The following TRERF1 variants were observed in gnomAD, a reference collection of about 807,000 sequenced individuals.
The protein encoded by TRERF1 is transcriptional regulating factor 1.
In TRERF1, 27 loss-of-function variants were observed where a neutral mutation model predicts 122.9. That is an observed-to-expected ratio of 0.22 (90% confidence interval 0.16 to 0.30). The LOEUF (loss-of-function observed/expected upper bound fraction) is 0.30. Among genes scored for constraint, TRERF1 ranks in the 10% least tolerant of loss-of-function variants. The pLI, the probability that TRERF1 is intolerant of heterozygous loss-of-function variation, is 1.00. For missense variants in TRERF1, 1,248 were observed against 1,560.3 expected, an observed-to-expected ratio of 0.80 and a Z score of 3.37; for synonymous variants, 636 against 641.7, an observed-to-expected ratio of 0.99 and a Z score of 0.13.
At chr6:42,387,961 C>A (rs1296804256) in intron 2 of TRERF1, among the ~76,000 whole-genome samples, 2 of 152,148 alleles carry the variant, frequency 1.3e-5, no homozygotes, top group African/African-American at 4.8e-5. Flanking sequence ...GTACATGCCA[C>A]CACGCTTGGC....
At chr6:42,315,650 A>G (rs1762346044) in intron 3 of TRERF1, among the ~76,000 whole-genome samples, 1 of 151,848 alleles carries the variant, frequency 6.6e-6, no homozygotes, top group East Asian at 1.9e-4. Context: ...CTAGCAGCTG[A>G]TATCCTTCAA....
chr6:42,306,241 A>T (rs1210677810), intron 3 of TRERF1, among the ~76,000 whole-genome samples: 1 of 151,936 alleles, frequency 6.6e-6, no homozygotes, highest in Admixed American at 6.6e-5. Flanking sequence ...ACCTCAAGTG[A>T]TCCACTTGCC....
At chr6:42,403,159 C>T (rs1779659920) in intron 2 of TRERF1, among the ~76,000 whole-genome samples, 1 of 151,802 alleles carries the variant, frequency 6.6e-6, no homozygotes, top group Non-Finnish European at 1.5e-5. Context: ...TGGACATCTT[C>T]CCCAAAAAAG....
chr6:42,345,950 T>C (rs1364109585), intron 3 of TRERF1, among the ~76,000 whole-genome samples: 1 of 152,228 alleles, frequency 6.6e-6, no homozygotes, highest in African/African-American at 2.4e-5. Flanking sequence ...GGGCCCAGCA[T>C]GGGCAGGTGC....
intron 3 of TRERF1, among the ~76,000 whole-genome samples, chr6:42,347,782 T>C (rs441669): frequency 0.062 from 9,376 of 152,230 alleles, 793 homozygotes; most frequent in African/African-American, 0.19. Context: ...CCACCAGGTA[T>C]GGTGAAGAGC....
chr6:42,449,249 G>A (rs938854712), intron 2 of TRERF1, among the ~76,000 whole-genome samples: 2 of 152,244 alleles, frequency 1.3e-5, no homozygotes, highest in African/African-American at 2.4e-5. Context: ...TACAGCAGAA[G>A]GGAAATGCTC....
At chr6:42,418,788 T>C (rs183777735) in intron 2 of TRERF1, among the ~76,000 whole-genome samples, 6 of 152,240 alleles carry the variant, frequency 3.9e-5, no homozygotes, top group Non-Finnish European at 8.8e-5. Flanking sequence ...GGGGGTTCAG[T>C]AACAGGCAGG....
chr6:42,406,617 T>G (rs980484366), intron 2 of TRERF1, among the ~76,000 whole-genome samples: 1 of 152,192 alleles, frequency 6.6e-6, no homozygotes, highest in Non-Finnish European at 1.5e-5. Context: ...TTCTGGAACC[T>G]TCCTCAACAA....
At chr6:42,376,422 G>A (rs565884372) in intron 2 of TRERF1, among the ~76,000 whole-genome samples, 18 of 152,054 alleles carry the variant, frequency 1.2e-4, no homozygotes, top group Admixed American at 2.6e-4. Flanking sequence ...AGAGACAGGA[G>A]TAAGAGGGAG....
At chr6:42,240,351 A>T (rs1248764842) in intron 15 of TRERF1, among the ~76,000 whole-genome samples, 3 of 152,180 alleles carry the variant, frequency 2.0e-5, no homozygotes, top group Admixed American at 1.3e-4. Flanking sequence ...AGAAGACCAT[A>T]TTCTCTGATT....
intron 16 of TRERF1, among the ~76,000 whole-genome samples, chr6:42,235,515 G>C (rs1437152902): frequency 6.6e-6 from 1 of 152,186 alleles, no homozygotes; most frequent in Non-Finnish European, 1.5e-5. Flanking sequence ...TGACCACATG[G>C]TGAACTTGTT....
intron 2 of TRERF1, among the ~76,000 whole-genome samples, chr6:42,403,916 T>C (rs147556435): frequency 6.6e-6 from 1 of 151,924 alleles, no homozygotes; most frequent in African/African-American, 2.4e-5. Context: ...ACTGACAGAC[T>C]TGAAATTCCA....
Position 42,268,843 on chromosome 6 carries a change from G to T in TRERF1, c.748C>A (p.Pro250Thr). ...GACAGCATCTGTGGGGCCTGCAGTG[G>T]CTGTCCTCCCTGCACTGGCACCTGA... The change falls in exon 5 of 18, where the codon CCA (proline) becomes ACA (threonine). Residue 250 changes from proline to threonine, a missense_variant. Pro to Thr is a conservative substitution (Grantham distance 38). Coordinates refer to ENST00000372922, the Ensembl canonical transcript of TRERF1. This position sits in a 1 kb window ranked among gnomAD's most constrained non-coding sequence, Gnocchi z 4.4. The T allele has an allele frequency of 6.2e-7, 1 of 1,614,136 alleles. No homozygotes were observed. Among genetic ancestry groups the T allele is most frequent in the South Asian group, 1.1e-5 (1 of 91,086 alleles).
intron 2 of TRERF1, among the ~76,000 whole-genome samples, chr6:42,410,082 T>G (rs1370581525): frequency 2.0e-5 from 3 of 152,206 alleles, no homozygotes; most frequent in Non-Finnish European, 4.4e-5. Flanking sequence ...TTTCTATTAA[T>G]ATTGGCCTCT....
chr6:42,389,229 T>C (rs1777307821), intron 2 of TRERF1, among the ~76,000 whole-genome samples: 1 of 152,174 alleles, frequency 6.6e-6, no homozygotes, highest in Admixed American at 6.5e-5. Context: ...AGAAGCGAGG[T>C]ACCTCTGTGT....
At chr6:42,409,227 C>T (rs925777671) in intron 2 of TRERF1, among the ~76,000 whole-genome samples, 4 of 151,974 alleles carry the variant, frequency 2.6e-5, no homozygotes, top group South Asian at 2.1e-4. Flanking sequence ...TGCAGTGAGC[C>T]GTGATCACGC....
At chr6:42,235,874 G>A (rs1190398421) in intron 16 of TRERF1, among the ~76,000 whole-genome samples, 1 of 152,200 alleles carries the variant, frequency 6.6e-6, no homozygotes, top group Non-Finnish European at 1.5e-5. Context: ...AAGCTTGTGT[G>A]ACACACAGCC....
chr6:42,439,295 G>A (rs1582247247), intron 2 of TRERF1, among the ~76,000 whole-genome samples: 3 of 152,164 alleles, frequency 2.0e-5, no homozygotes, highest in East Asian at 1.9e-4. Flanking sequence ...ACGTGACATC[G>A]GGTTCTCCCT....
At chr6:42,363,610 T>C (rs1347628358) in intron 2 of TRERF1, among the ~76,000 whole-genome samples, 2 of 152,186 alleles carry the variant, frequency 1.3e-5, no homozygotes, top group African/African-American at 4.8e-5. Context: ...TGTGGCATAT[T>C]AGGAGACAGG....
Sources: allele counts gnomAD v4.1 joint callset (sites outside exome capture counted in the v4.1 genomes callset), GRCh38; gene constraint gnomAD v4.1.1; non-coding constraint Gnocchi (gnomAD v3.1); transcripts MANE v1.5; gene names NCBI Gene and HGNC (gene_info 2026-07-23, HGNC 2026-07-21).